The following CNBD1 variants were observed in gnomAD, a reference collection of about 807,000 sequenced individuals.
CNBD1 encodes cyclic nucleotide binding domain containing 1.
In CNBD1, 71 loss-of-function variants were observed where a neutral mutation model predicts 54.4. That is an observed-to-expected ratio of 1.30 (90% CI 1.08 to 1.59). The LOEUF (loss-of-function observed/expected upper bound fraction) is 1.59, where lower values mean the gene tolerates loss of function less well. Among genes scored for constraint, CNBD1 ranks in the 40% most tolerant of loss-of-function variants. The pLI is 0.00. For synonymous variants in CNBD1, 182 were observed against 170.7 expected (o/e 1.07, Z -0.51); for missense variants, 659 against 518.0 (o/e 1.27, Z -2.64).
chr8:87,319,831 T>C (rs772762228), intron 8 of CNBD1, among the ~76,000 whole-genome samples: 3 of 152,088 alleles, frequency 2.0e-5, no homozygotes, highest in Non-Finnish European at 2.9e-5. Context: ...CATTTTATGC[T>C]TAGATAAGTG....
chr8:87,337,713 GGGCTCTCAGGTGTCCCGTGT>G (rs1414748368), intron 8 of CNBD1, among the ~76,000 whole-genome samples: 2 of 152,178 alleles, frequency 1.3e-5, no homozygotes, highest in Non-Finnish European at 2.9e-5. Flanking sequence ...CTGGGGGTGG[GGGCTCTCAGGTGTCCCGTGT>G]GGCTCTCAGG....
chr8:87,045,463 T>C (rs529816479), intron 4 of CNBD1, among the ~76,000 whole-genome samples: 1 of 152,246 alleles, frequency 6.6e-6, no homozygotes, highest in African/African-American at 2.4e-5. Context: ...ACATGCTTCA[T>C]TTAAGAGTAC....
chr8:87,375,536 A>G (rs1377528917), intron 10 of CNBD1, among the ~76,000 whole-genome samples: 4 of 151,784 alleles, frequency 2.6e-5, no homozygotes, highest in East Asian at 3.9e-4. Flanking sequence ...AGCATTCCTT[A>G]TAAGTTTTTA....
chr8:86,964,920 G>A (rs548191484), intron 4 of CNBD1, among the ~76,000 whole-genome samples: 6 of 152,276 alleles, frequency 3.9e-5, no homozygotes, highest in African/African-American at 1.4e-4. Context: ...CTTCACATAA[G>A]GGACGTTGGA....
chr8:87,201,402 AGTAAAAGTCATC>A (rs1440641674), intron 4 of CNBD1, among the ~76,000 whole-genome samples: 1 of 152,228 alleles, frequency 6.6e-6, no homozygotes, highest in Non-Finnish European at 1.5e-5. Context: ...ATGAGAAAGA[AGTAAAAGTCATC>A]AGAATGGAAA....
At chr8:86,956,014 G>A (rs980254068) in intron 4 of CNBD1, among the ~76,000 whole-genome samples, 13 of 152,142 alleles carry the variant, frequency 8.5e-5, no homozygotes, top group African/African-American at 3.1e-4. Context: ...TGTATAAGGT[G>A]TAAGGAAGGG....
At chr8:87,153,538 C>A (rs1164831713) in intron 4 of CNBD1, among the ~76,000 whole-genome samples, 1 of 152,172 alleles carries the variant, frequency 6.6e-6, no homozygotes, top group South Asian at 2.1e-4. Context: ...AAAGAAAAAT[C>A]TGCACTCATC....
rs566427239 is a variant in CNBD1 at position 87,196,261 on chromosome 8, G to A, written c.432-9732G>A. ...CATTTAAATTGAACAGAAATTGTTT[G>A]TATCAGAAGATATGATATTTTTAAG... On this transcript the variant is annotated intron_variant, in intron 4 of 10. Coordinates refer to ENST00000518476, the MANE Select transcript of CNBD1 (RefSeq NM_173538.3). Among the ~76,000 whole-genome samples the A allele has an allele frequency of 6.6e-5, 10 of 152,262 alleles. No homozygotes were observed. In the East Asian group the frequency reaches 1.7e-3, roughly 26 times the overall value.
chr8:87,004,052 C>T (rs1235179833), intron 4 of CNBD1, among the ~76,000 whole-genome samples: 5 of 152,106 alleles, frequency 3.3e-5, no homozygotes, highest in Non-Finnish European at 7.4e-5. Flanking sequence ...ACGTGACATA[C>T]CGTATATATA....
chr8:87,370,482 G>C (rs1403723763), intron 10 of CNBD1, among the ~76,000 whole-genome samples: 2 of 152,088 alleles, frequency 1.3e-5, no homozygotes, highest in African/African-American at 2.4e-5. Flanking sequence ...GGCCAGTGAT[G>C]GTGCGCATTT....
intron 4 of CNBD1, among the ~76,000 whole-genome samples, chr8:87,108,405 G>A (rs984756756): frequency 1.3e-5 from 2 of 152,110 alleles, no homozygotes; most frequent in Admixed American, 6.5e-5. Flanking sequence ...TCTCAGGCAG[G>A]TATATAACAG....
intron 8 of CNBD1, among the ~76,000 whole-genome samples, chr8:87,301,208 A>C (rs949457683): frequency 6.6e-6 from 1 of 152,156 alleles, no homozygotes; most frequent in African/African-American, 2.4e-5. Context: ...ATGGTAATTT[A>C]AAAATTGCCA....
chr8:87,224,445 T>G (rs1254812847), intron 5 of CNBD1, among the ~76,000 whole-genome samples: 1 of 151,744 alleles, frequency 6.6e-6, no homozygotes, highest in African/African-American at 2.4e-5. Flanking sequence ...GGATCCAGTT[T>G]CAGCTTTCTA....
rs147306069 is a variant in CNBD1, at chr8:87,023,956, G to A, written c.431+84202G>A. ...ATTTCGTATTGAAAGAGACCTAGCCGGCCAGGCGTGGTGGCTCATGCCTGT... is the reference window on the plus strand; with the variant it reads ...ATTTCGTATTGAAAGAGACCTAGCCAGCCAGGCGTGGTGGCTCATGCCTGT... On this transcript the variant is annotated intron_variant, in intron 4 of 10. Coordinates refer to ENST00000518476, the MANE Select transcript of CNBD1 (RefSeq NM_173538.3). Among the ~76,000 whole-genome samples the A allele has an allele frequency of 5.2e-4, 79 of 152,186 alleles. 1 individual carries two copies. The highest frequency in any genetic ancestry group is 3.4e-3 in the Admixed American group (52 of 15,280).
intron 1 of CNBD1, among the ~76,000 whole-genome samples, chr8:86,872,629 G>C (rs919852209): frequency 1.3e-5 from 2 of 152,086 alleles, no homozygotes; most frequent in Non-Finnish European, 2.9e-5. Flanking sequence ...ATGTTAACAG[G>C]TACGGAGTGG....
At chr8:87,109,018 A>G (rs1365373071) in intron 4 of CNBD1, among the ~76,000 whole-genome samples, 1 of 152,166 alleles carries the variant, frequency 6.6e-6, no homozygotes, top group African/African-American at 2.4e-5. Context: ...CTGCTTATAT[A>G]CTATTATTTT....
At chr8:87,226,787 G>A (rs1197200480) in intron 5 of CNBD1, among the ~76,000 whole-genome samples, 2 of 151,244 alleles carry the variant, frequency 1.3e-5, no homozygotes, top group South Asian at 2.1e-4. Context: ...TCAATTCCTG[G>A]GTATCCTTGT....
In CNBD1 at chr8:87,106,234, G is replaced by C. The variant is rs905793406; in HGVS notation, c.432-99759G>C. Among the ~76,000 whole-genome samples the C allele has an allele frequency of 1.2e-4, 16 of 138,782 alleles. No homozygotes were observed. The Admixed American group carries it at 1.2e-3, about 11-fold the overall frequency. The allele number at this position is 138,782 out of a possible 152,430, so 91.0% of individuals were successfully genotyped here. On this transcript the variant is annotated intron_variant, in intron 4 of 10. Transcript: ENST00000518476. ...TTTCTTTTCTTTCTTTTCTTTCTTT[G>C]GCAGAGTCTTACTCTGTTGCCCAGG... is the stretch of plus-strand genomic sequence containing the variant.
At chr8:87,348,262 A>G (rs922278925) in intron 8 of CNBD1, among the ~76,000 whole-genome samples, 3 of 152,176 alleles carry the variant, frequency 2.0e-5, no homozygotes, top group African/African-American at 7.2e-5. Flanking sequence ...AATGCTATCT[A>G]TATTTATCTG....
Sources: gnomAD v4.1 joint callset for allele counts (sites outside exome capture counted in the v4.1 genomes callset) on GRCh38, gnomAD v4.1.1 for gene constraint, MANE v1.5 for transcripts, NCBI Gene and HGNC (gene_info 2026-07-23, HGNC 2026-07-21) for gene names.